SET: variants seen among roughly 807,000 people sequenced by gnomAD.
The protein encoded by SET is protein SET.
SET carries 4 observed loss-of-function variants against 39.0 expected under a neutral mutation model. That is an observed-to-expected ratio of 0.10 (90% CI 0.05 to 0.23). The LOEUF (loss-of-function observed/expected upper bound fraction) is 0.23. Among genes scored for constraint, SET ranks in the 10% least tolerant of loss-of-function variants. SET has a pLI of 1.00. For synonymous variants in SET, 114 were observed against 115.9 expected, an observed-to-expected ratio of 0.98 and a Z score of 0.11; for missense variants, 137 against 329.7, an observed-to-expected ratio of 0.42 and a Z score of 4.53.
Position 128,692,591 on chromosome 9 carries a change from A to G in SET, c.275-71A>G, listed in dbSNP as rs1015344064. 9 of 1,051,292 alleles carry G rather than the reference A, an allele frequency of 8.6e-6. 1 individual carries two copies. Among genetic ancestry groups the G allele is most frequent in the Non-Finnish European group, 1.3e-5 (9 of 680,734 alleles). The allele number at this position is 1,051,292 out of a possible 1,614,324, so 65.1% of individuals were successfully genotyped here. On this transcript the variant is annotated intron_variant, in intron 3 of 7. Coordinates refer to ENST00000322030, the MANE Select transcript of SET (RefSeq NM_003011.4). Reference sequence around the variant, plus strand: ...GCTCACTAAGTTCGGAAAAATTTTAAAGGGATCACTTAAATTGTTGTTAGT... The same window carrying G: ...GCTCACTAAGTTCGGAAAAATTTTAGAGGGATCACTTAAATTGTTGTTAGT...
intron 5 of SET, 82 bp downstream of exon 5, chr9:128,693,063 T>C (rs1861604129): frequency 3.4e-6 from 3 of 889,982 alleles, no homozygotes; most frequent in Non-Finnish European, 5.3e-6. Flanking sequence ...TGCTTGATAC[T>C]TTGGTCATGT....
In SET at chr9:128,694,880, G is replaced by C. The variant is rs1172898826; in HGVS notation, c.*216G>C. The C allele has an allele frequency of 2.4e-6, 1 of 415,360 alleles. No individual in the cohort carries two copies. Among genetic ancestry groups the C allele is most frequent in the East Asian group, 3.7e-5 (1 of 26,838 alleles). 25.7% of individuals were successfully genotyped at this position (415,360 alleles called of 1,614,324 possible). ...GGGAAAAGAGTCTCTACCCCTTTCT[G>C]TTCGAAGTTCATTTTTATCCCTTCC... On this transcript the variant is annotated 3_prime_UTR_variant, in exon 8 of 8. Transcript: ENST00000322030.
Position 128,694,629 on chromosome 9 carries a change from T to C in SET, c.811-12T>C. On this transcript the variant is annotated splice_polypyrimidine_tract_variant and intron_variant, in intron 7 of 7. Transcript: ENST00000322030. ...TTAATCCTGAAGATTAACTGCCCAC[T>C]TTTTCTTTCAGGAGGATGAAGGAGA... 6.4e-7 allele frequency: 1 copy of C among 1,570,086 alleles called. No individual in the cohort carries two copies. Among genetic ancestry groups the C allele is most frequent in the South Asian group, 1.2e-5 (1 of 86,876 alleles).
chr9:128,685,251 C>T, upstream of SET: 1 of 1,523,844 alleles, frequency 6.6e-7, no homozygotes, highest in Non-Finnish European at 9.0e-7. Flanking sequence ...GTTTTCTCTT[C>T]TATAAAATGG....
At position 128,692,383 on chromosome 9, in the gene SET, G is replaced by A. The variant is rs7047511; in HGVS notation, c.275-279G>A. 5.6e-3 allele frequency: 1,197 copies of A among 215,604 alleles called. 14 individuals carry two copies. The highest frequency in any genetic ancestry group is 0.027 in the African/African-American group (850 of 31,852). The allele number at this position is 215,604 out of a possible 1,614,324, so 13.4% of individuals were successfully genotyped here. A position where few individuals can be genotyped will look rare whatever the true frequency, so the allele number is the denominator to read the frequency against. The stretch of plus-strand genomic sequence containing the variant: ...TTTTGCATTCCAGCCTGGGCGACAA[G>A]AGTGAGACTGTTTCAAAAAAAAAAA... On this transcript the variant is annotated intron_variant, in intron 3 of 7. Transcript: ENST00000322030.
chr9:128,685,363 G>C, upstream of SET: 1 of 670,656 alleles, frequency 1.5e-6, no homozygotes, highest in Non-Finnish European at 2.6e-6. Context: ...GCATTTGTGC[G>C]CAGCAAAATG....
exon 1 of SET, chr9:128,683,924 C>T (rs992067058): frequency 2.2e-5 from 34 of 1,554,922 alleles, no homozygotes; most frequent in Non-Finnish European, 2.7e-5. Context: ...TCTCCACTCC[C>T]GCCTCAAAAG....
intron 2 of SET, 55 bp from the exon 3 acceptor site, chr9:128,691,803 A>G (rs569157337): frequency 6.6e-5 from 101 of 1,534,226 alleles, no homozygotes; most frequent in East Asian, 4.0e-4. Context: ...ATCTCAACCA[A>G]TTTTTTAATT....
At chr9:128,691,672 T>C (rs1861540230) in intron 2 of SET, among the ~76,000 whole-genome samples, 186 bp from the exon 3 acceptor site, 1 of 152,218 alleles carries the variant, frequency 6.6e-6, no homozygotes, top group Admixed American at 6.5e-5. Context: ...TATTACTCAG[T>C]GTTTATTGAT....
At chr9:128,685,331 C>A, upstream of SET, 2 of 831,482 alleles carry the variant, frequency 2.4e-6, no homozygotes, top group Non-Finnish European at 4.0e-6. Context: ...CAGCGCCTAG[C>A]ACATCATCAG....
In SET at chr9:128,695,263, A is replaced by C. The variant is rs1167390923; in HGVS notation, c.*599A>C. The C allele has an allele frequency of 4.5e-6, 1 of 222,446 alleles. No individual in the cohort carries two copies. The highest frequency in any genetic ancestry group is 2.2e-5 in the African/African-American group (1 of 45,018). 13.8% of individuals were successfully genotyped at this position (222,446 alleles called of 1,614,324 possible). A position where few individuals can be genotyped will look rare whatever the true frequency, so the allele number is the denominator to read the frequency against. On this transcript the variant is annotated 3_prime_UTR_variant, in exon 8 of 8. Transcript: ENST00000322030. The stretch of plus-strand genomic sequence containing the variant: ...ACATGGCTTCTCCTTTGGCATGTTT[A>C]ATTGTGATATTTGACAGACATCCTT...
At position 128,689,415 on chromosome 9, in the gene SET, AGC is replaced by A; in HGVS notation, c.-160_-159del. ...TCCCTCGGCGTCAGGCCGCGAGGGTAGCGCGCGCGAGCGAGCGAGGGGGAGGG... is the reference window on the plus strand; with the variant it reads ...TCCCTCGGCGTCAGGCCGCGAGGGTAGCGCGCGAGCGAGCGAGGGGGAGGG... On this transcript the variant is annotated 5_prime_UTR_variant, in exon 1 of 8. Coordinates refer to ENST00000322030, the MANE Select transcript of SET (RefSeq NM_003011.4). 2.0e-6 allele frequency: 1 copy of A among 511,662 alleles called. No individual in the cohort carries two copies. The highest frequency in any genetic ancestry group is 2.6e-6 in the Non-Finnish European group (1 of 381,590). The allele number at this position is 511,662 out of a possible 1,614,324, so 31.7% of individuals were successfully genotyped here. A position where few individuals can be genotyped will look rare whatever the true frequency, so the allele number is the denominator to read the frequency against.
chr9:128,689,393 C>A lies in SET; in HGVS notation c.-190C>A. On this transcript the variant is annotated 5_prime_UTR_variant, in exon 1 of 8. Coordinates refer to ENST00000322030, the MANE Select transcript of SET (RefSeq NM_003011.4). The stretch of plus-strand genomic sequence containing the variant: ...CCCGGCACGCCGCCCCAGCCCGTCC[C>A]TCGGCGTCAGGCCGCGAGGGTAGCG... 1 of 947,058 alleles carries A rather than the reference C, an allele frequency of 1.1e-6. No homozygotes were observed. The highest frequency in any genetic ancestry group is 1.3e-6 in the Non-Finnish European group (1 of 768,274). 58.7% of individuals were successfully genotyped at this position (947,058 alleles called of 1,614,324 possible).
chr9:128,689,415 AGCGC>A lies in SET; in HGVS notation c.-162_-159del, dbSNP rs1258291980. The A allele has an allele frequency of 5.9e-6, 3 of 511,662 alleles. No homozygotes were observed. Among genetic ancestry groups the A allele is most frequent in the Non-Finnish European group, 7.9e-6 (3 of 381,590 alleles). The allele number at this position is 511,662 out of a possible 1,614,324, so 31.7% of individuals were successfully genotyped here. A position where few individuals can be genotyped will look rare whatever the true frequency, so the allele number is the denominator to read the frequency against. ...TCCCTCGGCGTCAGGCCGCGAGGGT[AGCGC>A]GCGCGAGCGAGCGAGGGGGAGGGAG... On this transcript the variant is annotated 5_prime_UTR_variant, in exon 1 of 8. Coordinates refer to ENST00000322030, the MANE Select transcript of SET (RefSeq NM_003011.4).
At chr9:128,688,114 G>C (rs1861351795), upstream of SET, among the ~76,000 whole-genome samples, 1 of 152,144 alleles carries the variant, frequency 6.6e-6, no homozygotes, top group Non-Finnish European at 1.5e-5. Flanking sequence ...GGGAGGCCGA[G>C]GCAGGAGAAT....
rs2132258658 is a variant in SET, at chr9:128,695,056, T to C, written c.*392T>C. 4.3e-6 allele frequency: 1 copy of C among 233,224 alleles called. No homozygotes were observed. The highest frequency in any genetic ancestry group is 6.1e-5 in the East Asian group (1 of 16,322). The allele number at this position is 233,224 out of a possible 1,614,324, so 14.4% of individuals were successfully genotyped here. ...TAGCTTTTTTCCTCCTTTCTCTGTA[T>C]ATTGGGCTCAGAGAGTACACTGTGT... On this transcript the variant is annotated 3_prime_UTR_variant, in exon 8 of 8. Coordinates refer to ENST00000322030, the MANE Select transcript of SET (RefSeq NM_003011.4).
chr9:128,691,140 AGAATT>A, intron 1 of SET, 25 bp from the exon 2 acceptor site: 3 of 1,555,936 alleles, frequency 1.9e-6, no homozygotes, highest in Non-Finnish European at 2.6e-6. Flanking sequence ...AATTTATCTT[AGAATT>A]AAGTTTTTTG....
intron 1 of SET, chr9:128,690,400 C>T (rs1488890925): frequency 1.3e-5 from 2 of 152,530 alleles, no homozygotes; most frequent in Admixed American, 1.3e-4. Flanking sequence ...AAATGAACCG[C>T]GCGATCTGGC....
chr9:128,683,979 G>C (rs750909946), exon 1 of SET: 2 of 1,555,550 alleles, frequency 1.3e-6, no homozygotes, highest in South Asian at 2.4e-5. Context: ...AGGAGACATC[G>C]GCCTCTGCAG....
Sources: gnomAD v4.1 joint callset for allele counts (sites outside exome capture counted in the v4.1 genomes callset) on GRCh38, gnomAD v4.1.1 for gene constraint, MANE v1.5 for transcripts, NCBI Gene and HGNC (gene_info 2026-07-23, HGNC 2026-07-21) for gene names.